Variants in CTNNA2 observed in about 807,000 individuals in gnomAD.
The protein encoded by CTNNA2 is catenin alpha 2, also known as catenin alpha-2.
In CTNNA2, 42 loss-of-function variants were observed where a neutral mutation model predicts 101.0. The observed-to-expected ratio is 0.42, with a 90% CI of 0.32 to 0.54. CTNNA2 has a LOEUF of 0.54. Among genes scored for constraint, CTNNA2 ranks in the 20% least tolerant of loss-of-function variants. The pLI, the probability that CTNNA2 is intolerant of heterozygous loss-of-function variation, is 0.14. For synonymous variants in CTNNA2, 450 were observed against 456.4 expected (o/e 0.99, Z 0.18); for missense variants, 871 against 1,223.1 (o/e 0.71, Z 4.29).
chr2:79,744,326 T>C lies in CTNNA2; in HGVS notation c.103-61T>C, dbSNP rs191974108. The C allele has an allele frequency of 4.4e-3, 6,517 of 1,464,988 alleles. 34 individuals carry two copies. The highest frequency in any genetic ancestry group is 8.6e-3 in the Middle Eastern group (40 of 4,666). 90.7% of individuals were successfully genotyped at this position (1,464,988 alleles called of 1,614,324 possible). ...ACACGGAGATTTAGAAATTATGAGA[T>C]AACATGACATTTCTAGACAGTTTTG... On this transcript the variant is annotated intron_variant, in intron 2 of 18. Transcript: ENST00000402739.
chr2:79,937,842 C>A lies in CTNNA2; in HGVS notation c.1056+28045C>A, dbSNP rs72918693. 2.8e-3 allele frequency among the ~76,000 whole-genome samples: 422 copies of A among 152,272 alleles called. 2 individuals carry two copies. The highest frequency in any genetic ancestry group is 9.4e-3 in the African/African-American group (391 of 41,546). Reference sequence around the variant, plus strand: ...ATTCTGTGGTGCTTAATGTCCCATCCTGGTTCTATTTAAAATAGTCTTTGA... The same window carrying A: ...ATTCTGTGGTGCTTAATGTCCCATCATGGTTCTATTTAAAATAGTCTTTGA... On this transcript the variant is annotated intron_variant, in intron 7 of 18. Transcript: ENST00000402739.
intron 3 of CTNNA2, among the ~76,000 whole-genome samples, chr2:79,807,399 G>T (rs1050738564): frequency 4.0e-5 from 6 of 151,828 alleles, no homozygotes; most frequent in Non-Finnish European, 5.9e-5. Context: ...TGCTAAATTA[G>T]CCTTTTTCCA....
At chr2:79,897,266 A>G (rs1540439) in intron 6 of CTNNA2, among the ~76,000 whole-genome samples, 135,694 of 151,388 alleles carry the variant, frequency 0.9, 61,054 homozygotes, top group African/African-American at 0.97. Context: ...TGAAGGTTTG[A>G]GGCCAGTGGG....
At chr2:80,606,367 AACACACACACACACACACAC>A (rs67402125) in intron 16 of CTNNA2, among the ~76,000 whole-genome samples, 3 of 137,424 alleles carry the variant, frequency 2.2e-5, no homozygotes, top group South Asian at 2.5e-4. Flanking sequence ...AAACACATCA[AACACACACACACACACACAC>A]ACACACACAC....
At chr2:79,303,320 A>T (rs1392359366) in intron 2 of CTNNA2, among the ~76,000 whole-genome samples, 3 of 152,130 alleles carry the variant, frequency 2.0e-5, no homozygotes, top group Non-Finnish European at 4.4e-5. Context: ...ACACCCCGAA[A>T]CAATCTCTCC....
At chr2:79,609,309 C>T (rs1573468564) in intron 1 of CTNNA2, among the ~76,000 whole-genome samples, 2 of 151,972 alleles carry the variant, frequency 1.3e-5, no homozygotes, top group East Asian at 3.9e-4. Flanking sequence ...TTTAAATTTT[C>T]TGTAAAAAAC....
intron 4 of CTNNA2, among the ~76,000 whole-genome samples, chr2:79,382,394 G>A (rs983986939): frequency 1.3e-5 from 2 of 151,932 alleles, no homozygotes; most frequent in Non-Finnish European, 2.9e-5. Flanking sequence ...CTCTCTCTCT[G>A]TCTGGGTATG....
rs1274033904 is a variant in CTNNA2 at position 80,305,173 on chromosome 2, ATTTTTGGGGTT to A, written c.1057-88033_1057-88023del. ...GGCAATGATTTGGGGCTTGGCTAAG[ATTTTTGGGGTT>A]TTTTCCCCCTCTTGCGGGTACTGGA... On this transcript the variant is annotated intron_variant, in intron 7 of 18. Transcript: ENST00000402739. 3.0e-6 allele frequency: 3 copies of A among 985,200 alleles called. No individual in the cohort carries two copies. The African/African-American group carries it at 5.2e-5, about 17-fold the overall frequency. 61.0% of individuals were successfully genotyped at this position (985,200 alleles called of 1,614,324 possible).
intron 9 of CTNNA2, among the ~76,000 whole-genome samples, chr2:80,443,386 G>A (rs77125134): frequency 2.4e-4 from 37 of 152,222 alleles, no homozygotes; most frequent in African/African-American, 7.9e-4. Flanking sequence ...TCAGTCAATC[G>A]CAAATATTTA....
At chr2:80,421,717 G>C (rs1226841360) in intron 9 of CTNNA2, among the ~76,000 whole-genome samples, 3 of 150,936 alleles carry the variant, frequency 2.0e-5, no homozygotes, top group Admixed American at 6.6e-5. Context: ...TTAATGTCTT[G>C]ATGCCTAGGA....
chr2:79,834,326 T>C (rs1186642448), intron 3 of CTNNA2, among the ~76,000 whole-genome samples: 2 of 152,104 alleles, frequency 1.3e-5, no homozygotes, highest in African/African-American at 4.8e-5. Context: ...TAGTGGATAT[T>C]GTATTGTATT....
intron 7 of CTNNA2, among the ~76,000 whole-genome samples, chr2:80,006,886 A>C (rs1021079787): frequency 2.0e-5 from 3 of 152,108 alleles, no homozygotes; most frequent in Admixed American, 1.3e-4. Context: ...AGCATCACCC[A>C]AGAGTTGAGA....
At chr2:79,602,324 T>G (rs1023918037) in intron 1 of CTNNA2, among the ~76,000 whole-genome samples, 1 of 152,044 alleles carries the variant, frequency 6.6e-6, no homozygotes, top group Non-Finnish European at 1.5e-5. Context: ...AAGTACTTGA[T>G]AAAATTCAGT....
intron 9 of CTNNA2, among the ~76,000 whole-genome samples, chr2:80,519,849 C>G (rs1477981290): frequency 1.3e-5 from 2 of 152,114 alleles, no homozygotes; most frequent in African/African-American, 4.8e-5. Flanking sequence ...AGATGCAGAC[C>G]CATAATGGCC....
At chr2:79,748,548 G>A (rs1388534231) in intron 3 of CTNNA2, among the ~76,000 whole-genome samples, 3 of 151,998 alleles carry the variant, frequency 2.0e-5, no homozygotes, top group Non-Finnish European at 4.4e-5. Flanking sequence ...TTCAGCATAA[G>A]TAAATGCCAG....
intron 9 of CTNNA2, among the ~76,000 whole-genome samples, chr2:80,451,070 C>T (rs904103939): frequency 6.6e-6 from 1 of 151,950 alleles, no homozygotes; most frequent in Non-Finnish European, 1.5e-5. Context: ...GTGCATTATC[C>T]TTTGTGTGGC....
At chr2:80,352,949 G>A (rs1673444725) in intron 7 of CTNNA2, among the ~76,000 whole-genome samples, 1 of 151,906 alleles carries the variant, frequency 6.6e-6, no homozygotes, top group African/African-American at 2.4e-5. Flanking sequence ...CAAAAAAGAT[G>A]TTTCTTCTGG....
chr2:80,599,552 T>TTTTTTTTA (rs1403477153), intron 15 of CTNNA2, among the ~76,000 whole-genome samples: 1 of 151,884 alleles, frequency 6.6e-6, no homozygotes, highest in African/African-American at 2.4e-5. Flanking sequence ...GGCACAACTA[T>TTTTTTTTA]TTTTTTTCTA....
intron 4 of CTNNA2, among the ~76,000 whole-genome samples, chr2:79,463,681 C>G (rs1293118686): frequency 1.3e-5 from 2 of 152,102 alleles, no homozygotes; most frequent in Non-Finnish European, 2.9e-5. Flanking sequence ...AGTAATACTT[C>G]AAGAAAGTGA....
Sources: allele counts gnomAD v4.1 joint callset (sites outside exome capture counted in the v4.1 genomes callset), GRCh38; gene constraint gnomAD v4.1.1; transcripts MANE v1.5; gene names NCBI Gene and HGNC (gene_info 2026-07-23, HGNC 2026-07-21).